CAMK1D: variants seen among roughly 807,000 people sequenced by gnomAD.
CAMK1D encodes the protein calcium/calmodulin-dependent protein kinase type 1D.
A neutral mutation model predicts 47.7 loss-of-function variants in CAMK1D; 9 were observed. The ratio of observed to expected loss-of-function variants is 0.19; its 90% CI spans 0.11 to 0.33. The LOEUF (loss-of-function observed/expected upper bound fraction) is 0.33. CAMK1D is among the 10% of genes least tolerant of loss of function. The pLI is 1.00. For synonymous variants in CAMK1D, 184 were observed against 184.9 expected (o/e 0.99, Z 0.04); for missense variants, 291 against 488.7 (o/e 0.60, Z 3.81).
At chr10:12,828,699 C>A in intron 10 of CAMK1D, 70 bp from the exon 11 acceptor site, 1 of 1,287,798 alleles carries the variant, frequency 7.8e-7, no homozygotes. Flanking sequence ...CCCTCTGACA[C>A]CTGGCAGTGG....
chr10:12,387,087 C>G (rs1838519091), intron 1 of CAMK1D, among the ~76,000 whole-genome samples: 1 of 150,928 alleles, frequency 6.6e-6, no homozygotes, highest in African/African-American at 2.4e-5. Flanking sequence ...ACCTGTAGTC[C>G]CAGCTACTCA....
At chr10:12,668,548 A>G (rs905689992) in intron 3 of CAMK1D, among the ~76,000 whole-genome samples, 1 of 152,148 alleles carries the variant, frequency 6.6e-6, no homozygotes, top group African/African-American at 2.4e-5. Context: ...GGATAATAAT[A>G]TTTTCATTAG....
chr10:12,659,260 C>G (rs1158631361), intron 2 of CAMK1D, among the ~76,000 whole-genome samples: 1 of 152,172 alleles, frequency 6.6e-6, no homozygotes, highest in Admixed American at 6.5e-5. Context: ...CTACAGGGAG[C>G]CAGTGCTGGA....
intron 1 of CAMK1D, among the ~76,000 whole-genome samples, chr10:12,469,586 A>G (rs1395221467): frequency 6.6e-6 from 1 of 152,158 alleles, no homozygotes; most frequent in African/African-American, 2.4e-5. Flanking sequence ...CTACACAACT[A>G]CAGCTTATGA....
intron 1 of CAMK1D, among the ~76,000 whole-genome samples, chr10:12,372,525 G>A (rs1838034376): frequency 6.6e-6 from 1 of 152,196 alleles, no homozygotes; most frequent in South Asian, 2.1e-4. Context: ...AATGTGACAG[G>A]GACCCATGTC....
intron 1 of CAMK1D, among the ~76,000 whole-genome samples, chr10:12,504,971 G>T (rs72769652): frequency 0.095 from 14,384 of 152,200 alleles, 854 homozygotes; most frequent in Admixed American, 0.18. Context: ...AAGAACATTG[G>T]TAGCAACAAA....
intron 1 of CAMK1D, among the ~76,000 whole-genome samples, chr10:12,448,185 AT>A (rs1193109429): frequency 1.4e-5 from 2 of 142,080 alleles, no homozygotes; most frequent in Non-Finnish European, 3.1e-5. Context: ...TTGTATTTTT[AT>A]TTTTACTTAT....
At chr10:12,705,189 G>A (rs574384623) in intron 3 of CAMK1D, among the ~76,000 whole-genome samples, 5 of 152,214 alleles carry the variant, frequency 3.3e-5, no homozygotes, top group Admixed American at 1.3e-4. Context: ...GGCTGGGCAC[G>A]GTGGCTCACC....
chr10:12,642,015 G>A (rs188566440), intron 2 of CAMK1D, among the ~76,000 whole-genome samples: 2 of 148,754 alleles, frequency 1.3e-5, no homozygotes, highest in East Asian at 3.9e-4. Flanking sequence ...CTGCATTCCA[G>A]CTAGGGCGAC....
In CAMK1D at chr10:12,525,230, G is replaced by A. The variant is rs112106448; in HGVS notation, c.93-27995G>A. On this transcript the variant is annotated intron_variant, in intron 1 of 10. Coordinates refer to ENST00000619168, the MANE Select transcript of CAMK1D (RefSeq NM_153498.4). ...TCTTTTCTTTGAGTTTATTTTGCTT[G>A]GGATTTGATGAACTTCTGTAATCAG... Among the ~76,000 whole-genome samples the A allele has an allele frequency of 5.4e-3, 819 of 152,256 alleles. 4 individuals carry two copies. The highest frequency in any genetic ancestry group is 0.019 in the African/African-American group (790 of 41,560).
intron 3 of CAMK1D, among the ~76,000 whole-genome samples, chr10:12,719,065 C>G (rs1834267119): frequency 6.6e-6 from 1 of 152,198 alleles, no homozygotes; most frequent in Non-Finnish European, 1.5e-5. Context: ...CAAGGTACGA[C>G]AATTACACGA....
At chr10:12,504,597 A>T (rs915065876) in intron 1 of CAMK1D, among the ~76,000 whole-genome samples, 2 of 152,206 alleles carry the variant, frequency 1.3e-5, no homozygotes, top group Non-Finnish European at 2.9e-5. Context: ...AGACACACCT[A>T]GAAACGATGC....
At chr10:12,642,415 A>G (rs1839692810) in intron 2 of CAMK1D, among the ~76,000 whole-genome samples, 2 of 152,356 alleles carry the variant, frequency 1.3e-5, no homozygotes, top group African/African-American at 2.4e-5. Context: ...TACACGATGG[A>G]TGATAGCTGA....
chr10:12,711,155 C>G (rs763765933), intron 3 of CAMK1D, among the ~76,000 whole-genome samples: 2 of 152,140 alleles, frequency 1.3e-5, no homozygotes, highest in Admixed American at 1.3e-4. Context: ...CAGTTGGGTT[C>G]TGGCTAAAAG....
chr10:12,585,370 G>A (rs1837784763), intron 2 of CAMK1D, among the ~76,000 whole-genome samples: 1 of 152,164 alleles, frequency 6.6e-6, no homozygotes, highest in Non-Finnish European at 1.5e-5. Context: ...CCTCCGCCTG[G>A]GGTCTCCATT....
chr10:12,403,266 G>C (rs1218505747), intron 1 of CAMK1D, among the ~76,000 whole-genome samples: 1 of 152,228 alleles, frequency 6.6e-6, no homozygotes, highest in East Asian at 1.9e-4. Flanking sequence ...TTGCCAGCTT[G>C]TGTTCACATG....
chr10:12,696,538 AAAAC>A lies in CAMK1D; in HGVS notation c.299+29748_299+29751del, dbSNP rs567363751. ...GGCAACAGAGCGAGACTCCATCTCA[AAAAC>A]AAACAAACAAACAAACAAAAATTAT... On this transcript the variant is annotated intron_variant, in intron 3 of 10. Transcript: ENST00000619168. Among the ~76,000 whole-genome samples, 1,110 of 152,326 alleles carry A rather than the reference AAAAC, an allele frequency of 7.3e-3. 6 individuals are homozygous for A. The highest frequency in any genetic ancestry group is 9.3e-3 in the Non-Finnish European group (630 of 68,028).
At chr10:12,690,522 T>C (rs954772457) in intron 3 of CAMK1D, among the ~76,000 whole-genome samples, 4 of 152,190 alleles carry the variant, frequency 2.6e-5, no homozygotes, top group African/African-American at 9.7e-5. Flanking sequence ...GTGTAGTAGA[T>C]AAACATATAT....
intron 10 of CAMK1D, among the ~76,000 whole-genome samples, chr10:12,827,257 T>C (rs1381079609): frequency 4.9e-5 from 6 of 121,580 alleles, no homozygotes; most frequent in Non-Finnish European, 1.1e-4. Flanking sequence ...TCTTTCTTTC[T>C]TTTTCTTTCC....
Sources: allele counts gnomAD v4.1 joint callset (sites outside exome capture counted in the v4.1 genomes callset), GRCh38; gene constraint gnomAD v4.1.1; transcripts MANE v1.5; gene names NCBI Gene and HGNC (gene_info 2026-07-23, HGNC 2026-07-21).